R3HDM2: variants seen among roughly 807,000 people sequenced by gnomAD.
The protein encoded by R3HDM2 is R3H domain containing 2, also known as R3H domain-containing protein 2.
Under a neutral mutation model 124.5 loss-of-function variants are expected in R3HDM2, and 38 were observed. That is an observed-to-expected ratio of 0.31 (90% confidence interval 0.24 to 0.40). The LOEUF is 0.40. R3HDM2 is among the 10% of genes least tolerant of loss of function. The pLI is 1.00. For missense variants in R3HDM2, 869 were observed against 1,236.9 expected, an observed-to-expected ratio of 0.70 and a Z score of 4.46; for synonymous variants, 391 against 448.0, an observed-to-expected ratio of 0.87 and a Z score of 1.61.
At chr12:57,358,833 G>A (rs2061574768) in intron 2 of R3HDM2, among the ~76,000 whole-genome samples, 1 of 151,838 alleles carries the variant, frequency 6.6e-6, no homozygotes, top group Non-Finnish European at 1.5e-5. Context: ...AGAGAGTGGT[G>A]TTGAAATCTC....
rs184070548 is a variant in R3HDM2 at position 57,357,576 on chromosome 12, C to T, written c.-36+38173G>A. Among the ~76,000 whole-genome samples the T allele has an allele frequency of 9.3e-4, 141 of 151,088 alleles. 1 individual carries two copies. The highest frequency in any genetic ancestry group is 9.2e-3 in the Admixed American group (140 of 15,168). Reference sequence around the variant, plus strand: ...TAAGGTGTGTGTGTCTTCTCTTTTCCTTTCTTAGTAAGTCTGGCTAAAAGT... The same window carrying T: ...TAAGGTGTGTGTGTCTTCTCTTTTCTTTTCTTAGTAAGTCTGGCTAAAAGT... On this transcript the variant is annotated intron_variant, in intron 2 of 23. Transcript: ENST00000402412.
chr12:57,346,345 C>A (rs2060088570), intron 2 of R3HDM2, among the ~76,000 whole-genome samples: 2 of 151,308 alleles, frequency 1.3e-5, no homozygotes, highest in South Asian at 4.2e-4. Context: ...GTAATCCCAG[C>A]TACTTGGGAG....
intron 2 of R3HDM2, among the ~76,000 whole-genome samples, chr12:57,346,034 C>A (rs916804914): frequency 5.9e-5 from 9 of 151,994 alleles, no homozygotes; most frequent in Non-Finnish European, 8.8e-5. Flanking sequence ...GTGGTGGGTG[C>A]CTGTAATCCC....
At chr12:57,356,501 T>C (rs1016225824) in intron 2 of R3HDM2, among the ~76,000 whole-genome samples, 1 of 152,236 alleles carries the variant, frequency 6.6e-6, no homozygotes, top group African/African-American at 2.4e-5. Context: ...TAAAACTTTG[T>C]TAAAGATTTT....
At chr12:57,297,651 C>A in intron 7 of R3HDM2, 1 of 390,182 alleles carries the variant, frequency 2.6e-6, no homozygotes, top group East Asian at 4.5e-5. Flanking sequence ...TCACTGTTAA[C>A]AACATATTCA....
intron 1 of R3HDM2, among the ~76,000 whole-genome samples, chr12:57,409,658 C>T (rs921369503): frequency 3.3e-5 from 5 of 152,060 alleles, no homozygotes; most frequent in African/African-American, 1.2e-4. Context: ...GGAGTACCTA[C>T]AAGCTTCAGA....
At chr12:57,421,034 C>G (rs1293077155) in intron 1 of R3HDM2, among the ~76,000 whole-genome samples, 1 of 151,960 alleles carries the variant, frequency 6.6e-6, no homozygotes, top group Non-Finnish European at 1.5e-5. Flanking sequence ...CACTATCCAC[C>G]TTAGCATGGA....
intron 1 of R3HDM2, among the ~76,000 whole-genome samples, chr12:57,423,582 C>T (rs901223976): frequency 5.3e-5 from 8 of 151,810 alleles, no homozygotes; most frequent in Non-Finnish European, 8.8e-5. Flanking sequence ...GAGGCCGAGG[C>T]GGGTGGACTG....
At chr12:57,421,161 C>CTT (rs58868663) in intron 1 of R3HDM2, among the ~76,000 whole-genome samples, 4 of 119,264 alleles carry the variant, frequency 3.4e-5, no homozygotes, top group Admixed American at 1.9e-4. Context: ...CTAACAGATT[C>CTT]TTTTTTTTTT....
intron 6 of R3HDM2, 94 bp downstream of exon 6, chr12:57,299,258 T>G: frequency 7.4e-7 from 1 of 1,352,896 alleles, no homozygotes; most frequent in Non-Finnish European, 1.0e-6. Context: ...ACACTACAAA[T>G]TGATGGGCCA....
At chr12:57,397,952 G>A (rs1209895376) in intron 1 of R3HDM2, among the ~76,000 whole-genome samples, 2 of 152,190 alleles carry the variant, frequency 1.3e-5, no homozygotes, top group Non-Finnish European at 2.9e-5. Flanking sequence ...GGGAGGCTAA[G>A]GCGGGCGAAT....
At chr12:57,350,272 C>T (rs1269876623) in intron 2 of R3HDM2, among the ~76,000 whole-genome samples, 2 of 151,806 alleles carry the variant, frequency 1.3e-5, no homozygotes, top group Non-Finnish European at 2.9e-5. Flanking sequence ...AATAATCCAA[C>T]TTTAATAACA....
chr12:57,326,047 G>GT (rs1220861454), intron 2 of R3HDM2, among the ~76,000 whole-genome samples: 2 of 152,078 alleles, frequency 1.3e-5, no homozygotes, highest in Admixed American at 1.3e-4. Context: ...TGTCGCTGTT[G>GT]TAACTGTTTG....
At chr12:57,260,036 G>C (rs1271111980) in intron 19 of R3HDM2, among the ~76,000 whole-genome samples, 4 of 152,020 alleles carry the variant, frequency 2.6e-5, no homozygotes, top group African/African-American at 7.2e-5. Flanking sequence ...AGCCGAGGCA[G>C]GTGGACTGAT....
intron 12 of R3HDM2, among the ~76,000 whole-genome samples, chr12:57,285,208 CAG>C (rs2047054726): frequency 6.6e-6 from 1 of 152,106 alleles, no homozygotes; most frequent in African/African-American, 2.4e-5. Flanking sequence ...GCACTAGGCT[CAG>C]AGTTATTTTA....
intron 6 of R3HDM2, among the ~76,000 whole-genome samples, chr12:57,298,410 A>G (rs1566026906): frequency 6.6e-6 from 1 of 152,194 alleles, no homozygotes; most frequent in Non-Finnish European, 1.5e-5. Context: ...CTGAAAAGCC[A>G]TCTATCATCA....
chr12:57,285,086 A>ACC, intron 12 of R3HDM2, among the ~76,000 whole-genome samples: 1 of 152,334 alleles, frequency 6.6e-6, no homozygotes, highest in Middle Eastern at 3.4e-3. Flanking sequence ...TTTGGTAGGT[A>ACC]TACCGAGGAA....
At chr12:57,376,970 A>T (rs1013042787) in intron 2 of R3HDM2, among the ~76,000 whole-genome samples, 3 of 151,676 alleles carry the variant, frequency 2.0e-5, no homozygotes, top group Non-Finnish European at 4.4e-5. Context: ...AAATAAAAAA[A>T]AATTTTAAAA....
At chr12:57,430,546 T>A in intron 1 of R3HDM2, 174 bp downstream of exon 1, 3 of 979,876 alleles carry the variant, frequency 3.1e-6, no homozygotes, top group Non-Finnish European at 3.6e-6. Flanking sequence ...CAGCGCACAC[T>A]TGGAGCAGTC....
Sources: gnomAD v4.1 joint callset for allele counts (sites outside exome capture counted in the v4.1 genomes callset) on GRCh38, gnomAD v4.1.1 for gene constraint, MANE v1.5 for transcripts, NCBI Gene and HGNC (gene_info 2026-07-23, HGNC 2026-07-21) for gene names.